Variants in HERC1 observed in about 807,000 individuals in gnomAD.
HERC1 encodes probable E3 ubiquitin-protein ligase HERC1.
A neutral mutation model predicts 554.3 loss-of-function variants in HERC1; 160 were observed. The ratio of observed to expected loss-of-function variants is 0.29; its 90% CI spans 0.25 to 0.33. HERC1 has a LOEUF of 0.33. HERC1 is among the 10% of genes least tolerant of loss of function. HERC1 has a pLI of 1.00. For missense variants in HERC1, 4,919 were observed against 5,918.5 expected, an observed-to-expected ratio of 0.83 and a Z score of 5.54; for synonymous variants, 2,175 against 2,131.7, an observed-to-expected ratio of 1.02 and a Z score of -0.56.
At chr15:63,745,232 G>A (rs1020776896) in intron 12 of HERC1, among the ~76,000 whole-genome samples, 1 of 152,158 alleles carries the variant, frequency 6.6e-6, no homozygotes, top group African/African-American at 2.4e-5. Flanking sequence ...GAGGCGGGGG[G>A]TGAGCCAACA....
intron 1 of HERC1, among the ~76,000 whole-genome samples, chr15:63,820,226 C>T (rs1156699700): frequency 6.6e-6 from 1 of 152,088 alleles, no homozygotes; most frequent in Non-Finnish European, 1.5e-5. Flanking sequence ...TGTCTACTCC[C>T]CCACCACACC....
chr15:63,703,761 C>T (rs916487151), intron 25 of HERC1, among the ~76,000 whole-genome samples: 2 of 151,710 alleles, frequency 1.3e-5, no homozygotes, highest in South Asian at 4.2e-4. Flanking sequence ...TAAAATTAGC[C>T]AGGCATAGTG....
rs544279896 is a variant in HERC1 at position 63,723,372 on chromosome 15, C to T, written c.3569-17G>A. The T allele has an allele frequency of 4.0e-5, 60 of 1,501,696 alleles. No homozygotes were observed. In the African/African-American group the frequency reaches 4.0e-4, roughly 10 times the overall value. The allele number at this position is 1,501,696 out of a possible 1,614,324, so 93.0% of individuals were successfully genotyped here. A position where few individuals can be genotyped will look rare whatever the true frequency, so the allele number is the denominator to read the frequency against. On this transcript the variant is annotated splice_polypyrimidine_tract_variant and intron_variant, in intron 18 of 77. Coordinates refer to ENST00000443617, the MANE Select transcript of HERC1 (RefSeq NM_003922.4). The stretch of plus-strand genomic sequence containing the variant: ...TACATTTATCTAAAAAAAATACTCA[C>T]GTTACCAATTTTAACATCATAAATT...
chr15:63,680,461 A>G lies in HERC1; in HGVS notation c.6465+76T>C. On this transcript the variant is annotated intron_variant, in intron 35 of 77. Coordinates refer to ENST00000443617, the MANE Select transcript of HERC1 (RefSeq NM_003922.4). The surrounding 1 kb of genome is among the most constrained non-coding windows in gnomAD (Gnocchi z 5.8). ...CGAGCAGATAATCTATAAACTGAAT[A>G]CGTGGCACTTGAATAACCGAGTTGA... 6.9e-7 allele frequency: 1 copy of G among 1,453,044 alleles called. No homozygotes were observed. Among genetic ancestry groups the G allele is most frequent in the South Asian group, 1.3e-5 (1 of 77,734 alleles). The allele number at this position is 1,453,044 out of a possible 1,614,324, so 90.0% of individuals were successfully genotyped here.
chr15:63,666,189 A>C, intron 41 of HERC1, 39 bp from the exon 42 acceptor site: 1 of 1,534,900 alleles, frequency 6.5e-7, no homozygotes, highest in Admixed American at 2.0e-5. Flanking sequence ...GACTTTGGGC[A>C]AAGAATTAGG....
At chr15:63,645,734 T>C (rs1460783571) in intron 55 of HERC1, 52 bp from the exon 56 acceptor site, 1 of 1,045,004 alleles carries the variant, frequency 9.6e-7, no homozygotes, top group East Asian at 2.7e-5. Context: ...CCTTCACAAA[T>C]ACTTTAAATT....
At chr15:63,821,351 G>A (rs2077685254) in intron 1 of HERC1, among the ~76,000 whole-genome samples, 1 of 151,806 alleles carries the variant, frequency 6.6e-6, no homozygotes, top group African/African-American at 2.4e-5. Flanking sequence ...TCAGGAGATG[G>A]AGACCATCCT....
rs553476502 is a variant in HERC1 at position 63,630,554 on chromosome 15, A to G, written c.12878T>C (p.Ile4293Thr). Residue 4293 changes from isoleucine (I) to threonine (T), a missense_variant, in exon 69 of 78, where the codon ATA (isoleucine) becomes ACA (threonine). By Grantham distance (89) the Ile-to-Thr change is moderately conservative. Around this residue, in one of 11 missense-constraint regions of HERC1, gnomAD observed 410 missense variants for 467.0 expected, o/e 0.88. Coordinates refer to ENST00000443617, the MANE Select transcript of HERC1 (RefSeq NM_003922.4). ...TTCAGCTCCAACTGCCACATCTTCT[A>G]TGATTACTCCAGCCAGGACAGGGAT... ...QQIPVLAGVI[I>T]EDVAVGAEHT... The G allele has an allele frequency of 8.7e-6, 14 of 1,614,066 alleles. No homozygotes were observed. The highest frequency in any genetic ancestry group is 4.0e-5 in the African/African-American group (3 of 75,074).
chr15:63,777,036 G>A (rs140508968), intron 1 of HERC1, among the ~76,000 whole-genome samples: 1 of 152,238 alleles, frequency 6.6e-6, no homozygotes, highest in East Asian at 1.9e-4. Context: ...TGCAGGGAAG[G>A]TGTCTCTCAA....
Position 63,737,534 on chromosome 15 carries a change from TA to T in HERC1, c.2521-2686del, listed in dbSNP as rs2074593015. On this transcript the variant is annotated intron_variant, in intron 12 of 77. Coordinates refer to ENST00000443617, the MANE Select transcript of HERC1 (RefSeq NM_003922.4). Reference sequence around the variant, plus strand: ...TTTTCCAGATATATATATATATATATATATATATATATATCTTTTTTTTTTT... The same window carrying T: ...TTTTCCAGATATATATATATATATATTATATATATATATCTTTTTTTTTTT... Among the ~76,000 whole-genome samples the T allele has an allele frequency of 8.2e-5, 10 of 122,112 alleles. 1 individual carries two copies. Among genetic ancestry groups the T allele is most frequent in the Admixed American group, 1.6e-4 (2 of 12,314 alleles). The allele number at this position is 122,112 out of a possible 152,430, so 80.1% of individuals were successfully genotyped here. A position where few individuals can be genotyped will look rare whatever the true frequency, so the allele number is the denominator to read the frequency against.
chr15:63,733,863 T>A (rs1405554260), intron 13 of HERC1, among the ~76,000 whole-genome samples: 1 of 148,898 alleles, frequency 6.7e-6, no homozygotes, highest in Non-Finnish European at 1.5e-5. Context: ...AAAAGAAAAA[T>A]AAAAAAATCA....
Position 63,727,882 on chromosome 15 carries a change from G to A in HERC1, c.3155-44C>T, listed in dbSNP as rs1473951853. Reference sequence around the variant, plus strand: ...TAAACATGGGACAATTGCTTCAAATGAACTTTAAAAAAAGGAACCTAATAA... The same window carrying A: ...TAAACATGGGACAATTGCTTCAAATAAACTTTAAAAAAAGGAACCTAATAA... On this transcript the variant is annotated intron_variant, in intron 16 of 77. Transcript: ENST00000443617. The surrounding 1 kb of genome is among the most constrained non-coding windows in gnomAD (Gnocchi z 4.3). The A allele has an allele frequency of 6.0e-6, 9 of 1,500,500 alleles. No homozygotes were observed. In the Admixed American group the frequency reaches 7.6e-5, roughly 13 times the overall value. 92.9% of individuals were successfully genotyped at this position (1,500,500 alleles called of 1,614,324 possible).
At position 63,692,853 on chromosome 15, in the gene HERC1, G is replaced by T. The variant is rs944074242; in HGVS notation, c.5675-287C>A. ...GTGACTAGAGAACAGAACAGTCTAGGAAGAAGTCGAGCTCCTCCTAATTAT... is the reference window on the plus strand; with the variant it reads ...GTGACTAGAGAACAGAACAGTCTAGTAAGAAGTCGAGCTCCTCCTAATTAT... On this transcript the variant is annotated intron_variant, in intron 30 of 77. Coordinates refer to ENST00000443617, the MANE Select transcript of HERC1 (RefSeq NM_003922.4). The surrounding 1 kb of genome is among the most constrained non-coding windows in gnomAD (Gnocchi z 4.7). 2.0e-5 allele frequency among the ~76,000 whole-genome samples: 3 copies of T among 152,106 alleles called. No homozygotes were observed. The highest frequency in any genetic ancestry group is 7.2e-5 in the African/African-American group (3 of 41,400).
intron 1 of HERC1, among the ~76,000 whole-genome samples, chr15:63,804,372 G>T (rs1397288561): frequency 1.3e-5 from 2 of 151,972 alleles, no homozygotes; most frequent in African/African-American, 4.8e-5. Flanking sequence ...GATCACCTGA[G>T]GTCAGGAGTT....
At chr15:63,745,222 G>A (rs1410153932) in intron 12 of HERC1, among the ~76,000 whole-genome samples, 1 of 152,166 alleles carries the variant, frequency 6.6e-6, no homozygotes, top group Non-Finnish European at 1.5e-5. Flanking sequence ...TGGGGTCGGG[G>A]AGGCGGGGGG....
chr15:63,826,411 T>A (rs1038527453), intron 1 of HERC1, among the ~76,000 whole-genome samples: 7 of 152,170 alleles, frequency 4.6e-5, no homozygotes, highest in African/African-American at 1.7e-4. Context: ...TGGGTATCAA[T>A]ACGTACTGTA....
At position 63,665,927 on chromosome 15, in the gene HERC1, A is replaced by G. The variant is rs1341711804; in HGVS notation, c.8547T>C (p.Phe2849=). 1 of 1,611,744 alleles carries G rather than the reference A, an allele frequency of 6.2e-7. No homozygotes were observed. Among genetic ancestry groups the G allele is most frequent in the Non-Finnish European group, 8.5e-7 (1 of 1,178,314 alleles). The change falls in exon 42 of 78, where the codon TTT becomes TTC. Residue 2849 remains phenylalanine (F), a synonymous_variant. Coordinates refer to ENST00000443617, the MANE Select transcript of HERC1 (RefSeq NM_003922.4). ...SADAAEMEEG[F]SESPDNLDHT... ...AGAAACTGGAATTTCACCTTTCACT[A>G]AAACCTTCCTCCATTTCAGCAGCAT...
rs1349230558 is a variant in HERC1, at chr15:63,746,789, A to C, written c.2520+129T>G. 6.1e-6 allele frequency: 5 copies of C among 818,558 alleles called. No homozygotes were observed. In the African/African-American group the frequency reaches 8.7e-5, roughly 14 times the overall value. The allele number at this position is 818,558 out of a possible 1,614,324, so 50.7% of individuals were successfully genotyped here. A position where few individuals can be genotyped will look rare whatever the true frequency, so the allele number is the denominator to read the frequency against. On this transcript the variant is annotated intron_variant, in intron 12 of 77. Transcript: ENST00000443617. ...TGAGTTAACCAAAAATACTCTCACC[A>C]AGAAAACAGGAGTAAGGGAAACAAC... is the stretch of plus-strand genomic sequence containing the variant.
chr15:63,758,164 A>T lies in HERC1; in HGVS notation c.1221+11T>A, dbSNP rs1389519291. 1.3e-6 allele frequency: 2 copies of T among 1,579,086 alleles called. No individual in the cohort carries two copies. Among genetic ancestry groups the T allele is most frequent in the South Asian group, 2.2e-5 (2 of 89,242 alleles). On this transcript the variant is annotated intron_variant, in intron 4 of 77. Coordinates refer to ENST00000443617, the MANE Select transcript of HERC1 (RefSeq NM_003922.4). The surrounding 1 kb of genome is among the most constrained non-coding windows in gnomAD (Gnocchi z 4.0). Reference sequence around the variant, plus strand: ...TTATCTACCAGTTTGTAAGCTATTTAGAAAACTTACGGTCTGTGCATCAGA... The same window carrying T: ...TTATCTACCAGTTTGTAAGCTATTTTGAAAACTTACGGTCTGTGCATCAGA...
Sources: gnomAD v4.1 joint callset for allele counts (sites outside exome capture counted in the v4.1 genomes callset) on GRCh38, gnomAD v4.1.1 for gene constraint, gnomAD v4.1.1 regional missense constraint, Gnocchi (gnomAD v3.1) non-coding constraint, MANE v1.5 for transcripts, NCBI Gene and HGNC (gene_info 2026-07-23, HGNC 2026-07-21) for gene names.